The following KCNJ15 variants were observed in gnomAD, a reference collection of about 807,000 sequenced individuals.
KCNJ15 encodes the protein ATP-sensitive inward rectifier potassium channel 15.
KCNJ15 carries 14 observed loss-of-function variants against 23.0 expected under a neutral mutation model. The ratio of observed to expected loss-of-function variants is 0.61; its 90% CI spans 0.40 to 0.95. The LOEUF is 0.95. Among genes scored for constraint, KCNJ15 ranks in the 40% least tolerant of loss-of-function variants. KCNJ15 has a pLI of 0.00. For missense variants in KCNJ15, 388 were observed against 461.8 expected, an observed-to-expected ratio of 0.84 and a Z score of 1.46; for synonymous variants, 185 against 183.2, an observed-to-expected ratio of 1.01 and a Z score of -0.08.
chr21:38,257,175 A>G lies in KCNJ15; in HGVS notation c.-127A>G, dbSNP rs557193810. ...ATCCAGCCAGGAGTCTGCACTCTTC[A>G]GTCTTTGCAGGTAAGAGGTACACGG... On this transcript the variant is annotated 5_prime_UTR_variant, in exon 1 of 3. Coordinates refer to ENST00000398938, the MANE Select transcript of KCNJ15 (RefSeq NM_170736.3). 6.6e-6 allele frequency: 1 copy of G among 152,368 alleles called. No homozygotes were observed. The highest frequency in any genetic ancestry group is 1.9e-4 in the East Asian group (1 of 5,178). 9.4% of individuals were successfully genotyped at this position (152,368 alleles called of 1,614,324 possible).
chr21:38,240,876 C>T (rs75050577), intron 1 of KCNJ15, among the ~76,000 whole-genome samples: 10,374 of 152,220 alleles, frequency 0.068, 851 homozygotes, highest in African/African-American at 0.19. Context: ...ATGCACATCT[C>T]GCATTCAGGG....
At chr21:38,290,647 T>C (rs974770082) in intron 1 of KCNJ15, among the ~76,000 whole-genome samples, 1 of 152,096 alleles carries the variant, frequency 6.6e-6, no homozygotes, top group Non-Finnish European at 1.5e-5. Flanking sequence ...CAAGAACTTC[T>C]GGTTAAGTAG....
intron 1 of KCNJ15, among the ~76,000 whole-genome samples, chr21:38,259,609 G>T (rs758940126): frequency 6.6e-6 from 1 of 152,270 alleles, no homozygotes; most frequent in South Asian, 2.1e-4. Flanking sequence ...TGAGTTTGTT[G>T]CTTATTCATG....
chr21:38,250,929 AC>A (rs1401686283), intron 1 of KCNJ15, among the ~76,000 whole-genome samples: 3 of 152,118 alleles, frequency 2.0e-5, no homozygotes, highest in African/African-American at 7.2e-5. Flanking sequence ...TGTAGGTAAG[AC>A]GTGTCTGGCC....
intron 1 of KCNJ15, among the ~76,000 whole-genome samples, chr21:38,240,772 A>G (rs931531659): frequency 2.6e-5 from 4 of 152,240 alleles, no homozygotes; most frequent in Admixed American, 2.0e-4. Flanking sequence ...AGATTTAAAA[A>G]TATGGTTCCT....
intron 1 of KCNJ15, among the ~76,000 whole-genome samples, chr21:38,264,500 C>A (rs56974968): frequency 0.084 from 12,739 of 152,252 alleles, 1,264 homozygotes; most frequent in African/African-American, 0.23. Flanking sequence ...GTAGTTATTT[C>A]TTTGTGCTTT....
At chr21:38,261,504 A>G (rs1257796636) in intron 1 of KCNJ15, among the ~76,000 whole-genome samples, 2 of 152,212 alleles carry the variant, frequency 1.3e-5, no homozygotes, top group South Asian at 2.1e-4. Context: ...ACTCTGAAAA[A>G]TGATAAGCAA....
intron 1 of KCNJ15, among the ~76,000 whole-genome samples, chr21:38,296,288 A>G (rs1985147762): frequency 1.2e-5 from 1 of 81,986 alleles, no homozygotes; most frequent in Non-Finnish European, 3.3e-5. Flanking sequence ...GATAGAAGAT[A>G]GATAATAGAT....
In KCNJ15 at chr21:38,234,637, A is replaced by C. The variant is rs1021464661; in HGVS notation, c.-398-22409A>C. 7.2e-5 allele frequency among the ~76,000 whole-genome samples: 11 copies of C among 152,348 alleles called. No individual in the cohort carries two copies. In the East Asian group the frequency reaches 2.1e-3, roughly 29 times the overall value. ...AGGACAGCAATGCACTGAAACTATC[A>C]CAACTGCTTCAATGTCTGATATTCC... On this transcript the variant is annotated intron_variant, in intron 1 of 4. Transcript: ENST00000547341.
upstream of KCNJ15, among the ~76,000 whole-genome samples, chr21:38,254,658 G>A (rs1485671205): frequency 1.3e-5 from 2 of 152,178 alleles, no homozygotes; most frequent in Non-Finnish European, 2.9e-5. Context: ...AAAAATGCAT[G>A]GATTGAAAGT....
At chr21:38,243,632 GGCTGGTCTCGA>G (rs1488385246) in intron 1 of KCNJ15, among the ~76,000 whole-genome samples, 2 of 152,174 alleles carry the variant, frequency 1.3e-5, no homozygotes, top group Non-Finnish European at 2.9e-5. Context: ...ATGTTGGCCA[GGCTGGTCTCGA>G]GCTCCTGACC....
Position 38,300,247 on chromosome 21 carries a change from A to G in KCNJ15, c.986A>G (p.Gln329Arg). Reference protein sequence around the residue: ...KNGKYVADFSQFEQIRKSPDC... With the variant: ...KNGKYVADFSRFEQIRKSPDC... ...GGAAAATATGTGGCTGATTTCAGTC[A>G]GTTTGAACAGATTCGGAAAAGCCCA... The change falls in exon 3 of 3, where the codon CAG becomes CGG. Residue 329 changes from glutamine (Q) to arginine (R), a missense_variant. Physicochemically the swap from Gln to Arg is conservative, Grantham distance 43. Transcript: ENST00000398938. 1 of 1,614,226 alleles carries G rather than the reference A, an allele frequency of 6.2e-7. No homozygotes were observed. Among genetic ancestry groups the G allele is most frequent in the Non-Finnish European group, 8.5e-7 (1 of 1,180,036 alleles).
At chr21:38,263,512 G>T (rs1461716821) in intron 1 of KCNJ15, among the ~76,000 whole-genome samples, 1 of 152,152 alleles carries the variant, frequency 6.6e-6, no homozygotes, top group Non-Finnish European at 1.5e-5. Flanking sequence ...ACCCCAAGAA[G>T]TTCTGCAGCA....
chr21:38,307,228 A>G lies in KCNJ15; in HGVS notation c.*6839A>G, dbSNP rs1315595866. 2.6e-5 allele frequency: 4 copies of G among 152,222 alleles called. No homozygotes were observed. Among genetic ancestry groups the G allele is most frequent in the Admixed American group, 2.0e-4 (3 of 15,280 alleles). The allele number at this position is 152,222 out of a possible 1,614,324, so 9.4% of individuals were successfully genotyped here. The stretch of plus-strand genomic sequence containing the variant: ...ACCTACTTTTGTATGCTATGAATTC[A>G]TCCGTTTACTTGTCAAATCCTTTAT... On this transcript the variant is annotated 3_prime_UTR_variant, in exon 3 of 3. Transcript: ENST00000398938.
At chr21:38,288,941 T>C (rs941895972) in intron 1 of KCNJ15, among the ~76,000 whole-genome samples, 1 of 152,210 alleles carries the variant, frequency 6.6e-6, no homozygotes, top group African/African-American at 2.4e-5. Flanking sequence ...GGCTCACGCC[T>C]GTAATCTCAT....
chr21:38,303,279 A>G lies in KCNJ15; in HGVS notation c.*2890A>G, dbSNP rs1334816792. ...GAAACAGATTCACACTCAACACCCA[A>G]CTAAGGAGGAGCCAAAGTAGTGGAG... is the stretch of plus-strand genomic sequence containing the variant. On this transcript the variant is annotated 3_prime_UTR_variant, in exon 3 of 3. Coordinates refer to ENST00000398938, the MANE Select transcript of KCNJ15 (RefSeq NM_170736.3). 1 of 151,572 alleles carries G rather than the reference A, an allele frequency of 6.6e-6. No individual in the cohort carries two copies. The highest frequency in any genetic ancestry group is 2.4e-5 in the African/African-American group (1 of 41,270). The allele number at this position is 151,572 out of a possible 1,614,324, so 9.4% of individuals were successfully genotyped here.
intron 1 of KCNJ15, among the ~76,000 whole-genome samples, chr21:38,288,079 T>C (rs1460630898): frequency 2.2e-5 from 3 of 133,836 alleles, no homozygotes; most frequent in South Asian, 2.7e-4. Flanking sequence ...CTCACTCTGT[T>C]GCCCAGGCTG....
chr21:38,236,458 T>C (rs529481454), intron 1 of KCNJ15, among the ~76,000 whole-genome samples: 1 of 152,318 alleles, frequency 6.6e-6, no homozygotes, highest in African/African-American at 2.4e-5. Context: ...TCTAGTACTT[T>C]GCTAGTGGCT....
At chr21:38,235,855 C>T (rs1472170575) in intron 1 of KCNJ15, among the ~76,000 whole-genome samples, 1 of 152,080 alleles carries the variant, frequency 6.6e-6, no homozygotes, top group Non-Finnish European at 1.5e-5. Context: ...CTGTAAAGCA[C>T]TCTAGAAGTT....
Sources: allele counts gnomAD v4.1 joint callset (sites outside exome capture counted in the v4.1 genomes callset), GRCh38; gene constraint gnomAD v4.1.1; transcripts MANE v1.5; gene names NCBI Gene and HGNC (gene_info 2026-07-23, HGNC 2026-07-21).